The following SIRT2 variants were observed in gnomAD, a reference collection of about 807,000 sequenced individuals.
SIRT2 encodes the protein sirtuin 2.
A neutral mutation model predicts 57.4 loss-of-function variants in SIRT2; 40 were observed. The observed-to-expected ratio is 0.70, with a 90% CI of 0.54 to 0.91. The LOEUF is 0.91. Among genes scored for constraint, SIRT2 ranks in the 40% least tolerant of loss-of-function variants. SIRT2 has a pLI of 0.00. For synonymous variants in SIRT2, 161 were observed against 195.7 expected (o/e 0.82, Z 1.48); for missense variants, 439 against 510.4 (o/e 0.86, Z 1.35).
intron 9 of SIRT2, among the ~76,000 whole-genome samples, chr19:38,882,232 C>T (rs1222887655): frequency 6.6e-6 from 1 of 152,024 alleles, no homozygotes; most frequent in African/African-American, 2.4e-5. Context: ...CCAGGCTGTT[C>T]TCAAACTCCT....
At chr19:38,893,101 G>T (rs1475842346) in intron 4 of SIRT2, among the ~76,000 whole-genome samples, 1 of 152,106 alleles carries the variant, frequency 6.6e-6, no homozygotes, top group Non-Finnish European at 1.5e-5. Context: ...CTGGGAAAAG[G>T]TGCTCTCTCG....
chr19:38,881,284 C>A, intron 10 of SIRT2, 129 bp from the exon 11 acceptor site: 1 of 1,136,010 alleles, frequency 8.8e-7, no homozygotes, highest in Non-Finnish European at 1.3e-6. Context: ...GGGGCACAGA[C>A]CCCATTCTCC....
intron 2 of SIRT2, among the ~76,000 whole-genome samples, chr19:38,895,811 G>A (rs1370889910): frequency 1.3e-5 from 2 of 152,128 alleles, no homozygotes; most frequent in Non-Finnish European, 1.5e-5. Flanking sequence ...GGTGGCTCAC[G>A]CCTGTAATCC....
At chr19:38,881,033 C>T in intron 11 of SIRT2, 67 bp downstream of exon 11, 3 of 1,556,948 alleles carry the variant, frequency 1.9e-6, no homozygotes, top group Non-Finnish European at 2.6e-6. Context: ...GCCCAGGCTG[C>T]CCCCATGGGG....
intron 4 of SIRT2, among the ~76,000 whole-genome samples, chr19:38,892,545 T>C: frequency 6.6e-6 from 1 of 152,164 alleles, no homozygotes; most frequent in East Asian, 1.9e-4. Flanking sequence ...CTCTAAGCAT[T>C]TGCATTTTTA....
intron 9 of SIRT2, among the ~76,000 whole-genome samples, chr19:38,882,663 C>T (rs1473519363): frequency 6.6e-6 from 1 of 151,360 alleles, no homozygotes; most frequent in Admixed American, 6.6e-5. Context: ...AGAAAGAAAG[C>T]ATTTCTGTCA....
chr19:38,890,094 G>T lies in SIRT2; in HGVS notation c.268+9C>A. ...TGGGGGTAGCTGCTGGGGGAGAAGG[G>T]TTACTTACATGTGGAGATTCCAGCT... On this transcript the variant is annotated intron_variant, in intron 5 of 15. Coordinates refer to ENST00000249396, the MANE Select transcript of SIRT2 (RefSeq NM_012237.4). The T allele has an allele frequency of 6.2e-7, 1 of 1,614,204 alleles. No homozygotes were observed.
intron 8 of SIRT2, among the ~76,000 whole-genome samples, 170 bp downstream of exon 8, chr19:38,888,917 G>T (rs959241528): frequency 6.6e-6 from 1 of 152,270 alleles, no homozygotes; most frequent in Non-Finnish European, 1.5e-5. Flanking sequence ...AGGCAGAGAA[G>T]ACGTGACTCA....
At chr19:38,891,538 G>A (rs1362605093) in intron 4 of SIRT2, among the ~76,000 whole-genome samples, 1 of 152,096 alleles carries the variant, frequency 6.6e-6, no homozygotes, top group Non-Finnish European at 1.5e-5. Context: ...AACAGAGTGA[G>A]ACTCTGTCTC....
At chr19:38,893,183 A>C (rs1446812697) in intron 4 of SIRT2, among the ~76,000 whole-genome samples, 1 of 152,156 alleles carries the variant, frequency 6.6e-6, no homozygotes, top group Admixed American at 6.5e-5. Flanking sequence ...AAACAAGAAA[A>C]GCAGCATCAG....
intron 8 of SIRT2, among the ~76,000 whole-genome samples, chr19:38,884,769 C>A (rs1178091107): frequency 6.6e-6 from 1 of 151,346 alleles, no homozygotes; most frequent in Non-Finnish European, 1.5e-5. Flanking sequence ...GTATTTGAGA[C>A]AAGGTCTCAC....
chr19:38,885,017 C>T (rs112766655), intron 8 of SIRT2, among the ~76,000 whole-genome samples: 1 of 152,144 alleles, frequency 6.6e-6, no homozygotes, highest in South Asian at 2.1e-4. Flanking sequence ...GCTTTAATCA[C>T]TATCTTCCCC....
intron 2 of SIRT2, chr19:38,894,750 C>T (rs1164067416): frequency 2.2e-6 from 1 of 453,862 alleles, no homozygotes; most frequent in Non-Finnish European, 4.4e-6. Context: ...TCGAAGCCTC[C>T]CCTCAGCCCA....
intron 7 of SIRT2, 129 bp from the exon 8 acceptor site, chr19:38,889,284 G>A (rs1339864292): frequency 2.5e-6 from 2 of 809,558 alleles, no homozygotes; most frequent in Admixed American, 2.0e-5. Context: ...AGCCGCGTCG[G>A]GGAGAGACCA....
At chr19:38,890,554 G>A (rs1374941793) in intron 4 of SIRT2, 1 of 214,154 alleles carries the variant, frequency 4.7e-6, no homozygotes, top group Admixed American at 5.3e-5. Flanking sequence ...GCCAGGCGTG[G>A]TGGCACGTGC....
chr19:38,880,642 A>AG lies in SIRT2; in HGVS notation c.876+42dup. On this transcript the variant is annotated intron_variant, in intron 13 of 15. Transcript: ENST00000249396. The surrounding 1 kb of genome is among the most constrained non-coding windows in gnomAD (Gnocchi z 4.1). Reference sequence around the variant, plus strand: ...CCTCTGAGGAAAAGGGTGAGAGGGAAGGGGGAGCCTGTGACGACGGGGGCT... The same window carrying AG: ...CCTCTGAGGAAAAGGGTGAGAGGGAAGGGGGGAGCCTGTGACGACGGGGGCT... 1.4e-6 allele frequency: 2 copies of AG among 1,421,274 alleles called. No homozygotes were observed. The highest frequency in any genetic ancestry group is 1.9e-6 in the Non-Finnish European group (2 of 1,043,034). 88.0% of individuals were successfully genotyped at this position (1,421,274 alleles called of 1,614,324 possible).
intron 4 of SIRT2, among the ~76,000 whole-genome samples, chr19:38,892,937 C>G (rs1420514423): frequency 6.6e-6 from 1 of 152,188 alleles, no homozygotes; most frequent in African/African-American, 2.4e-5. Context: ...TAATCATTAT[C>G]CTCATTTTAT....
chr19:38,898,635 G>A, intron 1 of SIRT2: 1 of 393,186 alleles, frequency 2.5e-6, no homozygotes, highest in Non-Finnish European at 4.5e-6. Context: ...ATTAGTGAGG[G>A]GCAGAGAGGC....
At chr19:38,894,092 G>A in intron 2 of SIRT2, 1 of 781,926 alleles carries the variant, frequency 1.3e-6, no homozygotes, top group Non-Finnish European at 2.0e-6. Flanking sequence ...CATGTGAGTG[G>A]CTTTGCTTTG....
Sources: gnomAD v4.1 joint callset for allele counts (sites outside exome capture counted in the v4.1 genomes callset) on GRCh38, gnomAD v4.1.1 for gene constraint, Gnocchi (gnomAD v3.1) non-coding constraint, MANE v1.5 for transcripts, NCBI Gene and HGNC (gene_info 2026-07-23, HGNC 2026-07-21) for gene names.